Variants in GAS7 observed in about 807,000 individuals in gnomAD.
The protein encoded by GAS7 is growth arrest-specific protein 7.
In GAS7, 28 loss-of-function variants were observed where a neutral mutation model predicts 71.1. That is an observed-to-expected ratio of 0.39 (90% CI 0.29 to 0.54). The LOEUF is 0.54. Ranked by LOEUF, GAS7 falls within the 20% of genes least tolerant of loss-of-function variation. The pLI, the probability that GAS7 is intolerant of heterozygous loss-of-function variation, is 0.62. For synonymous variants in GAS7, 258 were observed against 245.8 expected (o/e 1.05, Z -0.46); for missense variants, 436 against 627.8 (o/e 0.69, Z 3.27).
At chr17:9,924,986 A>C (rs886939159) in intron 11 of GAS7, among the ~76,000 whole-genome samples, 2 of 152,246 alleles carry the variant, frequency 1.3e-5, no homozygotes, top group Non-Finnish European at 2.9e-5. Context: ...TTCTTTAAAC[A>C]AAGTGTCAGC....
intron 1 of GAS7, among the ~76,000 whole-genome samples, chr17:10,179,665 G>A (rs1365107671): frequency 1.3e-5 from 2 of 152,018 alleles, no homozygotes; most frequent in Non-Finnish European, 2.9e-5. Context: ...GACTTCCTTG[G>A]GCAAAAATGT....
At chr17:10,019,726 A>G in intron 2 of GAS7, 51 bp downstream of exon 2, 1 of 1,577,654 alleles carries the variant, frequency 6.3e-7, no homozygotes. Context: ...CCCTCTAGAG[A>G]GCCAGAATGC....
rs537594139 is a variant in GAS7 at position 9,946,502 on chromosome 17, G to A, written c.615+392C>T. ...TGCCCAACTGCCTCACAATTCTGAT[G>A]AGAACACTGAGGCCCAAGGAGGTGA... On this transcript the variant is annotated intron_variant, in intron 6 of 13. Transcript: ENST00000432992. Among the ~76,000 whole-genome samples the A allele has an allele frequency of 3.3e-5, 5 of 152,336 alleles. No homozygotes were observed. In the East Asian group the frequency reaches 7.7e-4, roughly 24 times the overall value.
intron 1 of GAS7, among the ~76,000 whole-genome samples, chr17:10,022,681 G>A (rs989306165): frequency 2.0e-5 from 3 of 152,198 alleles, no homozygotes; most frequent in Admixed American, 6.5e-5. Context: ...CTAGGGCAGC[G>A]CCTGTCCTGA....
Position 9,926,591 on chromosome 17 carries a change from C to A in GAS7, c.1014+50G>T. The stretch of plus-strand genomic sequence containing the variant: ...GCTGGCTTCCCAGTCCCCCTTCTTC[C>A]AGGCAGTCCCCCATGCACCTGCCCT... On this transcript the variant is annotated intron_variant, in intron 10 of 13. Coordinates refer to ENST00000432992, the MANE Select transcript of GAS7 (RefSeq NM_201433.2). This position sits in a 1 kb window ranked among gnomAD's most constrained non-coding sequence, Gnocchi z 5.0. 6.3e-7 allele frequency: 1 copy of A among 1,595,070 alleles called. No individual in the cohort carries two copies. Among genetic ancestry groups the A allele is most frequent in the East Asian group, 2.2e-5 (1 of 44,784 alleles).
chr17:9,921,848 A>G (rs2067824049), intron 11 of GAS7, among the ~76,000 whole-genome samples: 1 of 151,288 alleles, frequency 6.6e-6, no homozygotes, highest in African/African-American at 2.4e-5. Context: ...AGTCCCAGCT[A>G]CTCGGGAGGC....
chr17:9,912,080 A>C lies in GAS7; in HGVS notation c.*5148T>G. ...TCCTGGGGAGTAGACTCCAGAACAT[A>C]CTATCAAAGATCGACGAATGAGATC... On this transcript the variant is annotated 3_prime_UTR_variant, in exon 14 of 14. Transcript: ENST00000432992. 1 of 232,190 alleles carries C rather than the reference A, an allele frequency of 4.3e-6. No individual in the cohort carries two copies. Among genetic ancestry groups the C allele is most frequent in the Non-Finnish European group, 8.5e-6 (1 of 117,400 alleles). The allele number at this position is 232,190 out of a possible 1,614,324, so 14.4% of individuals were successfully genotyped here.
chr17:10,136,723 C>T (rs768883564), intron 1 of GAS7, among the ~76,000 whole-genome samples: 15 of 152,126 alleles, frequency 9.9e-5, no homozygotes, highest in Non-Finnish European at 1.8e-4. Flanking sequence ...CTGATTGTGT[C>T]GCCTACAGCT....
chr17:9,961,533 G>A (rs892813036), intron 4 of GAS7, among the ~76,000 whole-genome samples: 10 of 152,200 alleles, frequency 6.6e-5, no homozygotes, highest in African/African-American at 2.4e-4. Flanking sequence ...CCCAGAGAGG[G>A]GAACCAGCAC....
chr17:9,982,833 GAAAGAAA>G (rs755917407), intron 2 of GAS7, among the ~76,000 whole-genome samples: 5 of 117,266 alleles, frequency 4.3e-5, no homozygotes, highest in Non-Finnish European at 1.0e-4. Context: ...AGGAAAGAAA[GAAAGAAA>G]GAAAGAAAGA....
At chr17:10,159,653 C>T (rs1175151291) in intron 1 of GAS7, among the ~76,000 whole-genome samples, 1 of 152,168 alleles carries the variant, frequency 6.6e-6, no homozygotes, top group Non-Finnish European at 1.5e-5. Flanking sequence ...TCGGGGTCAC[C>T]TTTGGAAGAG....
In GAS7 at chr17:10,059,666, C is replaced by G. The variant is rs943728161; in HGVS notation, c.184-39769G>C. On this transcript the variant is annotated intron_variant, in intron 1 of 13. Transcript: ENST00000432992. Reference sequence around the variant, plus strand: ...CTTCGAGCATCTGCATCAAAGATAACCAGCAGAGCCCTGGTTCCAACTCAC... The same window carrying G: ...CTTCGAGCATCTGCATCAAAGATAAGCAGCAGAGCCCTGGTTCCAACTCAC... The G allele has an allele frequency of 1.4e-5, 14 of 984,112 alleles. No homozygotes were observed. In the African/African-American group the frequency reaches 1.9e-4, roughly 14 times the overall value. The allele number at this position is 984,112 out of a possible 1,614,324, so 61.0% of individuals were successfully genotyped here.
intron 2 of GAS7, among the ~76,000 whole-genome samples, chr17:10,005,324 T>TACACAC (rs1488449808): frequency 1.2e-4 from 17 of 146,660 alleles, no homozygotes; most frequent in South Asian, 8.8e-4. Flanking sequence ...CACACATATA[T>TACACAC]ATATACACAC....
intron 3 of GAS7, among the ~76,000 whole-genome samples, chr17:9,976,870 T>C (rs1567846150): frequency 6.6e-6 from 1 of 152,206 alleles, no homozygotes; most frequent in Non-Finnish European, 1.5e-5. Context: ...CTCAGAAAGG[T>C]ATTCACTTTC....
intron 9 of GAS7, among the ~76,000 whole-genome samples, chr17:9,933,723 T>C (rs976001596): frequency 2.0e-5 from 3 of 152,068 alleles, no homozygotes; most frequent in Admixed American, 6.6e-5. Context: ...CATACACCTG[T>C]TGTCCCAGCT....
chr17:10,171,071 C>G (rs1215128577), intron 1 of GAS7, among the ~76,000 whole-genome samples: 1 of 152,214 alleles, frequency 6.6e-6, no homozygotes, highest in Non-Finnish European at 1.5e-5. Flanking sequence ...TGTAGCTTCA[C>G]TTGAGCCGCA....
Position 9,974,849 on chromosome 17 carries a change from C to T in GAS7, c.386-5087G>A, listed in dbSNP as rs752378202. Among the ~76,000 whole-genome samples the T allele has an allele frequency of 6.6e-6, 1 of 152,158 alleles. No homozygotes were observed. The highest frequency in any genetic ancestry group is 1.5e-5 in the Non-Finnish European group (1 of 68,040). ...GCAGCTCCGCCACCCAGGGCTCACC[C>T]CCACCCACAGCTCGGCTTCCATATC... On this transcript the variant is annotated intron_variant, in intron 3 of 13. Transcript: ENST00000432992. The surrounding 1 kb of genome is among the most constrained non-coding windows in gnomAD (Gnocchi z 4.0).
intron 1 of GAS7, among the ~76,000 whole-genome samples, chr17:10,165,498 T>C (rs957816820): frequency 1.3e-5 from 2 of 152,158 alleles, no homozygotes; most frequent in Non-Finnish European, 2.9e-5. Flanking sequence ...CTTCTTTACT[T>C]AGCAATGCCT....
intron 1 of GAS7, among the ~76,000 whole-genome samples, chr17:10,184,486 T>G (rs565983612): frequency 1.3e-5 from 2 of 152,178 alleles, no homozygotes; most frequent in Non-Finnish European, 2.9e-5. Flanking sequence ...CTAAATCCAA[T>G]CTAATTCCAG....
Sources: allele counts gnomAD v4.1 joint callset (sites outside exome capture counted in the v4.1 genomes callset), GRCh38; gene constraint gnomAD v4.1.1; non-coding constraint Gnocchi (gnomAD v3.1); transcripts MANE v1.5; gene names NCBI Gene and HGNC (gene_info 2026-07-23, HGNC 2026-07-21).